Variants in DENND1A observed in about 807,000 individuals in gnomAD.
The protein encoded by DENND1A is DENN domain-containing protein 1A.
In DENND1A, 51 loss-of-function variants were observed where a neutral mutation model predicts 113.7. That is an observed-to-expected ratio of 0.45 (90% CI 0.36 to 0.57). DENND1A has a LOEUF of 0.57. DENND1A is among the 20% of genes least tolerant of loss of function. The pLI, the probability that DENND1A is intolerant of heterozygous loss-of-function variation, is 0.00. For missense variants in DENND1A, 1,258 were observed against 1,395.9 expected (o/e 0.90, Z 1.57); for synonymous variants, 565 against 570.8 (o/e 0.99, Z 0.14).
chr9:123,526,881 C>A (rs2054894310), intron 13 of DENND1A, among the ~76,000 whole-genome samples: 1 of 152,182 alleles, frequency 6.6e-6, no homozygotes, highest in Non-Finnish European at 1.5e-5. Context: ...TGATACAACT[C>A]AAATCCGTAT....
intron 9 of DENND1A, among the ~76,000 whole-genome samples, chr9:123,644,045 G>T (rs2062169574): frequency 1.3e-5 from 2 of 152,258 alleles, no homozygotes; most frequent in South Asian, 4.1e-4. Flanking sequence ...AAGGATGCTG[G>T]CCTGGTTTTA....
At chr9:123,773,820 T>C (rs1440545949) in intron 3 of DENND1A, among the ~76,000 whole-genome samples, 1 of 152,098 alleles carries the variant, frequency 6.6e-6, no homozygotes, top group Non-Finnish European at 1.5e-5. Context: ...AGTTACAGAA[T>C]GCAGGGAGAT....
At chr9:123,729,178 A>C (rs527649037) in intron 5 of DENND1A, among the ~76,000 whole-genome samples, 1 of 152,338 alleles carries the variant, frequency 6.6e-6, no homozygotes, top group African/African-American at 2.4e-5. Flanking sequence ...AAAAACTGGA[A>C]GCATTCCCTT....
chr9:123,766,064 C>T (rs764066730), intron 4 of DENND1A, among the ~76,000 whole-genome samples: 3 of 152,156 alleles, frequency 2.0e-5, no homozygotes, highest in Non-Finnish European at 4.4e-5. Context: ...TGGCCAGAGC[C>T]CAGGTTCTCA....
At chr9:123,753,609 C>A (rs1589944012) in intron 5 of DENND1A, among the ~76,000 whole-genome samples, 1 of 152,234 alleles carries the variant, frequency 6.6e-6, no homozygotes, top group East Asian at 1.9e-4. Flanking sequence ...CATTCAAAGT[C>A]TTTGGTGCCC....
At chr9:123,504,336 C>A (rs1156470291) in intron 13 of DENND1A, among the ~76,000 whole-genome samples, 1 of 152,186 alleles carries the variant, frequency 6.6e-6, no homozygotes, top group East Asian at 1.9e-4. Flanking sequence ...TCTCTTTTCA[C>A]CCCCACTGGG....
At chr9:123,836,122 C>T (rs1489004204) in intron 2 of DENND1A, among the ~76,000 whole-genome samples, 5 of 152,008 alleles carry the variant, frequency 3.3e-5, no homozygotes, top group Non-Finnish European at 5.9e-5. Context: ...TTTCCTGAAC[C>T]AGAAATTTTA....
At chr9:123,910,112 G>T (rs1853687700) in intron 1 of DENND1A, among the ~76,000 whole-genome samples, 1 of 152,200 alleles carries the variant, frequency 6.6e-6, no homozygotes, top group African/African-American at 2.4e-5. Context: ...AATTAGGGAT[G>T]CAATGCAATT....
intron 13 of DENND1A, among the ~76,000 whole-genome samples, chr9:123,518,112 G>A (rs543344351): frequency 1.3e-5 from 2 of 152,078 alleles, no homozygotes; most frequent in Non-Finnish European, 2.9e-5. Flanking sequence ...AGCCCTGAGC[G>A]GCATTAGGGA....
chr9:123,527,255 T>G (rs1455995086), intron 13 of DENND1A, among the ~76,000 whole-genome samples: 1 of 152,312 alleles, frequency 6.6e-6, no homozygotes, highest in East Asian at 1.9e-4. Context: ...GGCGGCTTCT[T>G]TCTCTGAGCT....
At chr9:123,421,603 G>T (rs1026653281) in intron 19 of DENND1A, among the ~76,000 whole-genome samples, 2 of 152,170 alleles carry the variant, frequency 1.3e-5, no homozygotes, top group African/African-American at 4.8e-5. Flanking sequence ...GTGAGAATTT[G>T]CTCAGTACAT....
At chr9:123,403,762 G>C (rs1207493794) in intron 20 of DENND1A, among the ~76,000 whole-genome samples, 1 of 152,150 alleles carries the variant, frequency 6.6e-6, no homozygotes, top group Non-Finnish European at 1.5e-5. Flanking sequence ...AGTTCCATTG[G>C]CCTCCTTGCA....
chr9:123,504,498 T>C lies in DENND1A; in HGVS notation c.994-46601A>G, dbSNP rs147101773. Among the ~76,000 whole-genome samples the C allele has an allele frequency of 7.2e-3, 1,101 of 152,372 alleles. 11 individuals are homozygous for C. Among genetic ancestry groups the C allele is most frequent in the Middle Eastern group, 0.01 (3 of 294 alleles). On this transcript the variant is annotated intron_variant, in intron 13 of 23. Transcript: ENST00000394215. ...AATGACAGAGTGTTTTTAAGTCTGA[T>C]TTAAATGTCTTAGGTTTTATACAGT...
chr9:123,483,394 T>C (rs1372569399), intron 13 of DENND1A, among the ~76,000 whole-genome samples: 1 of 152,124 alleles, frequency 6.6e-6, no homozygotes, highest in Non-Finnish European at 1.5e-5. Flanking sequence ...GGCTGCCAGA[T>C]GACCCCCACC....
intron 2 of DENND1A, among the ~76,000 whole-genome samples, chr9:123,841,964 C>T (rs140454746): frequency 2.6e-5 from 4 of 152,246 alleles, no homozygotes; most frequent in East Asian, 1.9e-4. Context: ...AGAATTCAGA[C>T]ATTTTGAATT....
chr9:123,573,870 A>G lies in DENND1A; in HGVS notation c.867+9299T>C, dbSNP rs150560135. On this transcript the variant is annotated intron_variant, in intron 12 of 23. Transcript: ENST00000394215. The stretch of plus-strand genomic sequence containing the variant: ...GGGGGAAAGAAATCAGTCTTTCACC[A>G]TTAAGTATGATGTGAGCTGTAGGTC... 2.9e-3 allele frequency among the ~76,000 whole-genome samples: 437 copies of G among 152,196 alleles called. 5 individuals carry two copies. The highest frequency in any genetic ancestry group is 9.8e-3 in the African/African-American group (409 of 41,552).
intron 9 of DENND1A, among the ~76,000 whole-genome samples, chr9:123,649,238 G>A (rs906188022): frequency 1.4e-4 from 22 of 152,156 alleles, no homozygotes; most frequent in Non-Finnish European, 4.4e-5. Flanking sequence ...ACATGGTAGT[G>A]CTTTCCATCC....
chr9:123,566,862 G>T (rs2058079599), intron 12 of DENND1A, among the ~76,000 whole-genome samples: 1 of 151,528 alleles, frequency 6.6e-6, no homozygotes, highest in Non-Finnish European at 1.5e-5. Context: ...TTGGCCCAGA[G>T]TAAGTGAAAT....
chr9:123,827,235 T>C lies in DENND1A; in HGVS notation c.89-34605A>G, dbSNP rs866970111. ...CATCCTATTTGGCCTCTTTTCTCTT[T>C]CACTTATAGTTCCTGTATACCTGCC... On this transcript the variant is annotated intron_variant, in intron 2 of 23. Coordinates refer to ENST00000394215, the MANE Select transcript of DENND1A (RefSeq NM_001352964.2). Among the ~76,000 whole-genome samples the C allele has an allele frequency of 1.4e-4, 21 of 152,056 alleles. 1 individual carries two copies. The highest frequency in any genetic ancestry group is 4.8e-4 in the African/African-American group (20 of 41,398).
Sources: gnomAD v4.1 joint callset for allele counts (sites outside exome capture counted in the v4.1 genomes callset) on GRCh38, gnomAD v4.1.1 for gene constraint, MANE v1.5 for transcripts, NCBI Gene and HGNC (gene_info 2026-07-23, HGNC 2026-07-21) for gene names.